The following RAD51B variants were observed in gnomAD, a reference collection of about 807,000 sequenced individuals.
RAD51B encodes the protein RAD51 paralog B, also known as DNA repair protein RAD51 homolog 2.
In RAD51B, 38 loss-of-function variants were observed where a neutral mutation model predicts 42.2. That is an observed-to-expected ratio of 0.90 (90% CI 0.70 to 1.18). The LOEUF is 1.18. Among genes scored for constraint, RAD51B ranks in the 50% most tolerant of loss-of-function variants. RAD51B has a pLI of 0.00. For synonymous variants in RAD51B, 154 were observed against 145.2 expected, an observed-to-expected ratio of 1.06 and a Z score of -0.43; for missense variants, 373 against 400.7, an observed-to-expected ratio of 0.93 and a Z score of 0.59.
At chr14:68,282,197 G>T (rs1229078388) in intron 7 of RAD51B, among the ~76,000 whole-genome samples, 1 of 152,110 alleles carries the variant, frequency 6.6e-6, no homozygotes, top group Non-Finnish European at 1.5e-5. Flanking sequence ...TGGCCAGGCT[G>T]GTCTTGAACT....
intron 9 of RAD51B, among the ~76,000 whole-genome samples, chr14:68,430,575 T>G (rs1435643156): frequency 1.3e-5 from 2 of 152,242 alleles, no homozygotes; most frequent in African/African-American, 4.8e-5. Flanking sequence ...ATAAGAATGC[T>G]TGTGATTTTT....
intron 7 of RAD51B, among the ~76,000 whole-genome samples, chr14:67,905,904 T>C (rs1201110044): frequency 6.6e-6 from 1 of 152,120 alleles, no homozygotes; most frequent in African/African-American, 2.4e-5. Context: ...TATTTCTTTA[T>C]CTTGTCTAAT....
chr14:67,845,062 C>G (rs2041564605), intron 4 of RAD51B, among the ~76,000 whole-genome samples: 1 of 152,206 alleles, frequency 6.6e-6, no homozygotes, highest in South Asian at 2.1e-4. Flanking sequence ...GTCCAACTTG[C>G]CACTCTGTGC....
exon 11 of RAD51B, chr14:68,594,801 G>T: frequency 8.1e-7 from 1 of 1,235,682 alleles, no homozygotes; most frequent in Non-Finnish European, 1.0e-6. Flanking sequence ...AATGAGAAAG[G>T]GGGCAATGGA....
intron 7 of RAD51B, among the ~76,000 whole-genome samples, chr14:68,189,454 C>T (rs2079220505): frequency 6.6e-6 from 1 of 151,914 alleles, no homozygotes; most frequent in African/African-American, 2.4e-5. Context: ...GAGATTCAAC[C>T]TAAAATATTG....
chr14:67,907,667 T>C (rs563761276), intron 7 of RAD51B, among the ~76,000 whole-genome samples: 2 of 152,264 alleles, frequency 1.3e-5, no homozygotes, highest in African/African-American at 4.8e-5. Context: ...TCACTTCTGC[T>C]GTACTCTATT....
intron 7 of RAD51B, among the ~76,000 whole-genome samples, chr14:68,257,978 G>A (rs1404732934): frequency 6.6e-6 from 1 of 152,130 alleles, no homozygotes; most frequent in African/African-American, 2.4e-5. Context: ...CTTACTAAGT[G>A]CCACACATTA....
Position 67,819,807 on chromosome 14 carries a change from A to G in RAD51B, c.-49A>G, listed in dbSNP as rs2040561805. The G allele has an allele frequency of 6.6e-6, 1 of 152,190 alleles. No homozygotes were observed. The highest frequency in any genetic ancestry group is 2.4e-5 in the African/African-American group (1 of 41,422). The allele number at this position is 152,190 out of a possible 1,614,324, so 9.4% of individuals were successfully genotyped here. A position where few individuals can be genotyped will look rare whatever the true frequency, so the allele number is the denominator to read the frequency against. On this transcript the variant is annotated 5_prime_UTR_variant, in exon 1 of 11. Transcript: ENST00000471583. ...GCTTTGCGGCGTTTTCCGCGGGGAAACTGTGTAAAGGGTGGGGAAACTTGA... is the reference window on the plus strand; with the variant it reads ...GCTTTGCGGCGTTTTCCGCGGGGAAGCTGTGTAAAGGGTGGGGAAACTTGA...
chr14:68,674,188 A>T (rs896927797), intron 11 of RAD51B, among the ~76,000 whole-genome samples: 1 of 66,750 alleles, frequency 1.5e-5, no homozygotes, highest in African/African-American at 1.4e-4. Flanking sequence ...ACACATATAC[A>T]TCACATACAC....
intron 7 of RAD51B, among the ~76,000 whole-genome samples, chr14:68,097,121 A>G (rs144502523): frequency 1.9e-4 from 29 of 152,244 alleles, no homozygotes; most frequent in Non-Finnish European, 3.8e-4. Flanking sequence ...TCTCTTGATG[A>G]ATGCATTCAT....
chr14:67,952,893 G>T (rs1441038522), intron 7 of RAD51B, among the ~76,000 whole-genome samples: 6 of 146,670 alleles, frequency 4.1e-5, no homozygotes, highest in African/African-American at 1.2e-4. Flanking sequence ...TAGTTTTTTT[G>T]TTTTTTTTTT....
At chr14:68,329,795 C>T (rs2082313345) in intron 8 of RAD51B, among the ~76,000 whole-genome samples, 1 of 152,058 alleles carries the variant, frequency 6.6e-6, no homozygotes, top group South Asian at 2.1e-4. Context: ...TCCTGACCAA[C>T]ATGGTGAAAC....
At chr14:68,497,057 G>T in intron 10 of RAD51B, 1 of 1,301,522 alleles carries the variant, frequency 7.7e-7, no homozygotes, top group Non-Finnish European at 1.0e-6. Flanking sequence ...GCCTCAGTAG[G>T]CTTTATGCAA....
chr14:68,628,476 G>T (rs1267342039), intron 10 of RAD51B: 2 of 152,386 alleles, frequency 1.3e-5, no homozygotes, highest in East Asian at 3.9e-4. Context: ...CTGCACAAAG[G>T]CCTGCTTTGT....
At chr14:67,838,966 G>A (rs2041339220) in intron 4 of RAD51B, among the ~76,000 whole-genome samples, 1 of 151,670 alleles carries the variant, frequency 6.6e-6, no homozygotes, top group African/African-American at 2.4e-5. Context: ...TTTCATCTTT[G>A]GTCTAATAGC....
At chr14:68,659,486 G>T (rs554027257) in intron 11 of RAD51B, among the ~76,000 whole-genome samples, 1 of 152,226 alleles carries the variant, frequency 6.6e-6, no homozygotes, top group Non-Finnish European at 1.5e-5. Context: ...GGCGGGAGGC[G>T]GGTAGGAGGG....
intron 7 of RAD51B, among the ~76,000 whole-genome samples, chr14:67,923,298 C>CTTTTTTTTTTTTTT (rs34809964): frequency 3.2e-5 from 4 of 123,654 alleles, no homozygotes; most frequent in African/African-American, 1.3e-4. Flanking sequence ...TTTTCTTTTT[C>CTTTTTTTTTTTTTT]TTTTTTTTTT....
intron 7 of RAD51B, among the ~76,000 whole-genome samples, chr14:68,098,499 C>T (rs1032080994): frequency 4.6e-5 from 7 of 152,134 alleles, no homozygotes; most frequent in Non-Finnish European, 7.3e-5. Context: ...CTGCATGGCT[C>T]GGGAGGCCTA....
chr14:68,536,164 T>C (rs1299225199), intron 10 of RAD51B, among the ~76,000 whole-genome samples: 2 of 152,210 alleles, frequency 1.3e-5, no homozygotes, highest in African/African-American at 2.4e-5. Context: ...TTTGTCCCTC[T>C]GTTCAAAATT....
Sources: allele counts gnomAD v4.1 joint callset (sites outside exome capture counted in the v4.1 genomes callset), GRCh38; gene constraint gnomAD v4.1.1; transcripts MANE v1.5; gene names NCBI Gene and HGNC (gene_info 2026-07-23, HGNC 2026-07-21).